The following SNX2 variants were observed in gnomAD, a reference collection of about 807,000 sequenced individuals.
The protein encoded by SNX2 is sorting nexin-2.
In SNX2, 25 loss-of-function variants were observed where a neutral mutation model predicts 69.9. The observed-to-expected ratio is 0.36, with a 90% CI of 0.26 to 0.50. The LOEUF (loss-of-function observed/expected upper bound fraction) is 0.50. SNX2 is among the 20% of genes least tolerant of loss of function. The probability of loss-of-function intolerance (pLI) is 0.97; values close to 1 mark genes in which losing one functional copy is unlikely to be tolerated. For synonymous variants in SNX2, 229 were observed against 200.4 expected (o/e 1.14, Z -1.20); for missense variants, 551 against 613.3 (o/e 0.90, Z 1.07).
chr5:122,828,832 A>G (rs542826688), intron 14 of SNX2, among the ~76,000 whole-genome samples: 1 of 152,296 alleles, frequency 6.6e-6, no homozygotes, highest in East Asian at 1.9e-4. Flanking sequence ...TAAGAACCAG[A>G]CATTGGCCGG....
At chr5:122,799,903 T>C (rs577371458) in intron 3 of SNX2, 48 bp downstream of exon 3, 3 of 1,434,696 alleles carry the variant, frequency 2.1e-6, no homozygotes, top group South Asian at 2.6e-5. Context: ...ATACCTTTTT[T>C]CCCCACCCAA....
rs2150019881 is a variant in SNX2, at chr5:122,830,235, A to T, written c.*587A>T. ...GATTCCTTAATTATTTTAATTGACAAAGCTGAACTCATTAAATGACTAAAT... is the reference window on the plus strand; with the variant it reads ...GATTCCTTAATTATTTTAATTGACATAGCTGAACTCATTAAATGACTAAAT... On this transcript the variant is annotated 3_prime_UTR_variant, in exon 15 of 15. Coordinates refer to ENST00000379516, the MANE Select transcript of SNX2 (RefSeq NM_003100.4). 6.5e-6 allele frequency: 1 copy of T among 152,676 alleles called. No homozygotes were observed. The highest frequency in any genetic ancestry group is 6.5e-5 in the Admixed American group (1 of 15,304). The allele number at this position is 152,676 out of a possible 1,614,324, so 9.5% of individuals were successfully genotyped here.
chr5:122,780,100 GGTTAT>G (rs768821063), intron 1 of SNX2, among the ~76,000 whole-genome samples: 4 of 152,186 alleles, frequency 2.6e-5, no homozygotes, highest in African/African-American at 2.4e-5. Context: ...TTTCACTTGA[GGTTAT>G]GTTATATCAG....
intron 5 of SNX2, among the ~76,000 whole-genome samples, chr5:122,802,945 C>T (rs1016679640): frequency 6.6e-5 from 10 of 152,116 alleles, no homozygotes; most frequent in Admixed American, 1.3e-4. Flanking sequence ...AAAGGCAACA[C>T]GGGCAGGAAC....
At chr5:122,801,544 G>A (rs922096528) in intron 3 of SNX2, among the ~76,000 whole-genome samples, 5 of 151,032 alleles carry the variant, frequency 3.3e-5, no homozygotes, top group Admixed American at 3.3e-4. Context: ...GGTGGAGGTT[G>A]CAGTGAGCTG....
chr5:122,781,212 T>G (rs1466879964), intron 1 of SNX2, among the ~76,000 whole-genome samples: 2 of 152,236 alleles, frequency 1.3e-5, no homozygotes, highest in Non-Finnish European at 2.9e-5. Context: ...ACTGATCTGT[T>G]TTCTGCCTAA....
chr5:122,794,455 T>C (rs1385443246), intron 1 of SNX2, among the ~76,000 whole-genome samples: 2 of 152,236 alleles, frequency 1.3e-5, no homozygotes, highest in African/African-American at 4.8e-5. Flanking sequence ...GTTTTCCTCT[T>C]ACAGTAAAAC....
intron 1 of SNX2, among the ~76,000 whole-genome samples, chr5:122,793,949 T>C (rs1406698182): frequency 1.3e-5 from 2 of 151,206 alleles, no homozygotes; most frequent in South Asian, 2.1e-4. Context: ...TTTTAACTAT[T>C]GTAATACGAA....
At chr5:122,788,122 T>G (rs1753133731) in intron 1 of SNX2, among the ~76,000 whole-genome samples, 2 of 152,220 alleles carry the variant, frequency 1.3e-5, no homozygotes, top group South Asian at 4.1e-4. Context: ...AAACTTTATT[T>G]CACCTTCAAT....
intron 1 of SNX2, among the ~76,000 whole-genome samples, chr5:122,782,813 A>C (rs931048689): frequency 6.6e-6 from 1 of 152,204 alleles, no homozygotes; most frequent in Non-Finnish European, 1.5e-5. Flanking sequence ...TTGGGATTAC[A>C]GGCGTGAGCT....
chr5:122,794,324 AAAC>A (rs1013580316), intron 1 of SNX2, among the ~76,000 whole-genome samples: 12 of 143,868 alleles, frequency 8.3e-5, no homozygotes, highest in African/African-American at 1.8e-4. Flanking sequence ...ACAAACAAAC[AAAC>A]AAAAAAAACA....
At chr5:122,794,234 C>G (rs908623353) in intron 1 of SNX2, among the ~76,000 whole-genome samples, 1 of 151,960 alleles carries the variant, frequency 6.6e-6, no homozygotes, top group Admixed American at 6.6e-5. Context: ...TCACTTGAAC[C>G]CAGGAGGTGG....
At chr5:122,812,180 A>T (rs1753792934) in intron 7 of SNX2, among the ~76,000 whole-genome samples, 1 of 152,164 alleles carries the variant, frequency 6.6e-6, no homozygotes, top group South Asian at 2.1e-4. Context: ...TATAAATCAG[A>T]TCATTTTAAC....
At chr5:122,775,053 AC>A (rs1267559111), upstream of SNX2, 1 of 1,528,206 alleles carries the variant, frequency 6.5e-7, no homozygotes, top group Non-Finnish European at 8.8e-7. Context: ...GTGCGTGCTC[AC>A]GTGACGGGTC....
chr5:122,804,549 A>G (rs1229306385), intron 6 of SNX2, among the ~76,000 whole-genome samples: 1 of 151,790 alleles, frequency 6.6e-6, no homozygotes, highest in Admixed American at 6.6e-5. Context: ...TTGTATCCTT[A>G]GTATAGACGG....
intron 7 of SNX2, among the ~76,000 whole-genome samples, chr5:122,815,330 C>T (rs1040634644): frequency 2.0e-5 from 3 of 151,898 alleles, no homozygotes; most frequent in African/African-American, 7.3e-5. Flanking sequence ...GAATAAATAC[C>T]TTTGAAGAGG....
chr5:122,784,951 T>G (rs1331484957), intron 1 of SNX2, among the ~76,000 whole-genome samples: 2 of 152,228 alleles, frequency 1.3e-5, no homozygotes, highest in Non-Finnish European at 2.9e-5. Context: ...GTATGTATCT[T>G]TTAAGGAATT....
chr5:122,804,561 G>A (rs984663791), intron 6 of SNX2, among the ~76,000 whole-genome samples: 20 of 151,840 alleles, frequency 1.3e-4, no homozygotes, highest in African/African-American at 4.8e-4. Flanking sequence ...TATAGACGGG[G>A]TTTCACCATA....
At position 122,827,620 on chromosome 5, in the gene SNX2, G is replaced by C; in HGVS notation, c.1483G>C (p.Glu495Gln). ...TAAAACCGTTATCATCAAGTACTTA[G>C]AATCACTAGTTCAAACACAACAACA... ...DFKTVIIKYL[E>Q]SLVQTQQQLI... is the part of the protein sequence containing the mutation. Residue 495 changes from glutamate to glutamine, a missense_variant, in exon 14 of 15, where the codon GAA (glutamate) becomes CAA (glutamine). By Grantham distance (29) the Glu-to-Gln change is conservative. Around this residue, in one of 2 missense-constraint regions of SNX2, gnomAD observed 360 missense variants for 450.4 expected, o/e 0.80. Coordinates refer to ENST00000379516, the MANE Select transcript of SNX2 (RefSeq NM_003100.4). 1 of 1,613,066 alleles carries C rather than the reference G, an allele frequency of 6.2e-7. No homozygotes were observed. Among genetic ancestry groups the C allele is most frequent in the South Asian group, 1.1e-5 (1 of 91,002 alleles).
Sources: allele counts gnomAD v4.1 joint callset (sites outside exome capture counted in the v4.1 genomes callset), GRCh38; gene constraint gnomAD v4.1.1; regional missense constraint gnomAD v4.1.1; transcripts MANE v1.5; gene names NCBI Gene and HGNC (gene_info 2026-07-23, HGNC 2026-07-21).